UGT3A1: variants seen among roughly 807,000 people sequenced by gnomAD.
UGT3A1 encodes UDP glycosyltransferase family 3 member A1, also known as UDP-glycosyltransferase 3A1.
In UGT3A1, 40 loss-of-function variants were observed where a neutral mutation model predicts 37.6. The observed-to-expected ratio is 1.06, with a 90% CI of 0.83 to 1.38. The LOEUF is 1.38. UGT3A1 is among the 40% of genes most tolerant of loss of function. UGT3A1 has a pLI of 0.00. For missense variants in UGT3A1, 642 were observed against 634.2 expected, an observed-to-expected ratio of 1.01 and a Z score of -0.13; for synonymous variants, 256 against 232.3, an observed-to-expected ratio of 1.10 and a Z score of -0.93.
intron 3 of UGT3A1, among the ~76,000 whole-genome samples, chr5:35,966,610 G>A (rs1424111230): frequency 6.6e-6 from 1 of 152,150 alleles, no homozygotes; most frequent in Non-Finnish European, 1.5e-5. Flanking sequence ...CACTATTCCA[G>A]AAGCTACTGC....
chr5:35,969,455 T>A (rs563543914), intron 2 of UGT3A1, among the ~76,000 whole-genome samples: 2 of 152,060 alleles, frequency 1.3e-5, no homozygotes, highest in African/African-American at 2.4e-5. Flanking sequence ...CTTACAAAGA[T>A]GAGCATGTTA....
At chr5:35,998,118 C>T (rs1210821082) in intron 1 of UGT3A1, among the ~76,000 whole-genome samples, 1 of 152,202 alleles carries the variant, frequency 6.6e-6, no homozygotes, top group Non-Finnish European at 1.5e-5. Context: ...ATCATGTGGA[C>T]TCCAGAGGGA....
In UGT3A1 at chr5:35,951,863, T is replaced by C. The variant is rs1378653098; in HGVS notation, c.*2339A>G. The C allele has an allele frequency of 6.6e-6, 1 of 152,220 alleles. No individual in the cohort carries two copies. Among genetic ancestry groups the C allele is most frequent in the South Asian group, 2.1e-4 (1 of 4,836 alleles). 9.4% of individuals were successfully genotyped at this position (152,220 alleles called of 1,614,324 possible). ...TGGTGTATAGGAATTCAGTTTTTGA[T>C]ATAGTGTGAAGTCTGGATCAAATAT... On this transcript the variant is annotated 3_prime_UTR_variant, in exon 7 of 7. Transcript: ENST00000274278.
At chr5:35,981,598 C>T (rs1280608826) in intron 2 of UGT3A1, among the ~76,000 whole-genome samples, 1 of 152,184 alleles carries the variant, frequency 6.6e-6, no homozygotes, top group Non-Finnish European at 1.5e-5. Flanking sequence ...CATGGTCTGG[C>T]TGCTTCTAAA....
intron 4 of UGT3A1, among the ~76,000 whole-genome samples, chr5:35,964,277 C>G (rs936554044): frequency 6.6e-6 from 1 of 152,112 alleles, no homozygotes; most frequent in African/African-American, 2.4e-5. Flanking sequence ...TAGCTAAGAC[C>G]TCAATTAAAT....
At chr5:35,957,548 T>C in intron 4 of UGT3A1, 129 bp from the exon 5 acceptor site, 1 of 728,970 alleles carries the variant, frequency 1.4e-6, no homozygotes, top group Non-Finnish European at 2.3e-6. Flanking sequence ...CCCGAAGCTA[T>C]TATTATGGCT....
chr5:35,954,781 G>GA, intron 6 of UGT3A1: 1 of 375,866 alleles, frequency 2.7e-6, no homozygotes, highest in Non-Finnish European at 4.9e-6. Flanking sequence ...TATACTAAAG[G>GA]AAAAAATATA....
chr5:35,998,787 G>A (rs546797654), intron 1 of UGT3A1, among the ~76,000 whole-genome samples: 1 of 152,284 alleles, frequency 6.6e-6, no homozygotes, highest in South Asian at 2.1e-4. Context: ...AGCTCAAGTG[G>A]AGTTGCCAAA....
intron 2 of UGT3A1, among the ~76,000 whole-genome samples, chr5:35,980,018 C>A (rs529229649): frequency 6.6e-6 from 1 of 152,294 alleles, no homozygotes; most frequent in South Asian, 2.1e-4. Context: ...TACTTCCCAC[C>A]AGGTTTCTTC....
chr5:35,980,240 A>G (rs1321402438), intron 2 of UGT3A1, among the ~76,000 whole-genome samples: 1 of 152,264 alleles, frequency 6.6e-6, no homozygotes, highest in African/African-American at 2.4e-5. Context: ...TTCCTACTTT[A>G]AACAACTAAA....
intron 4 of UGT3A1, chr5:35,962,921 TG>T: frequency 1.4e-6 from 1 of 702,830 alleles, no homozygotes; most frequent in Non-Finnish European, 2.6e-6. Flanking sequence ...GAGAATAAGC[TG>T]GGGGTGGTGA....
rs114844865 is a variant in UGT3A1 at position 35,989,020 on chromosome 5, T to C, written c.95-469A>G. Reference sequence around the variant, plus strand: ...GTCAGAGCTATCTTTCATCCTATTTTGGAAAAGTATGCTACTGTAGGAGAC... The same window carrying C: ...GTCAGAGCTATCTTTCATCCTATTTCGGAAAAGTATGCTACTGTAGGAGAC... On this transcript the variant is annotated intron_variant, in intron 1 of 6. Transcript: ENST00000274278. 3.3e-3 allele frequency among the ~76,000 whole-genome samples: 496 copies of C among 152,332 alleles called. 2 individuals carry two copies. Among genetic ancestry groups the C allele is most frequent in the African/African-American group, 0.011 (459 of 41,572 alleles).
rs191491234 is a variant in UGT3A1, at chr5:35,972,925, G to A, written c.197-4792C>T. On this transcript the variant is annotated intron_variant, in intron 2 of 6. Coordinates refer to ENST00000274278, the MANE Select transcript of UGT3A1 (RefSeq NM_152404.4). ...ATCTCCTATAGCTACTGGGTTGAAT[G>A]TTTGTGAAAATCAAACCCAGTCTCC... Among the ~76,000 whole-genome samples the A allele has an allele frequency of 5.4e-3, 817 of 151,478 alleles. 11 individuals are homozygous for A. The highest frequency in any genetic ancestry group is 0.019 in the African/African-American group (777 of 41,380).
At chr5:35,970,676 A>C (rs2149968132) in intron 2 of UGT3A1, among the ~76,000 whole-genome samples, 1 of 152,326 alleles carries the variant, frequency 6.6e-6, no homozygotes, top group South Asian at 2.1e-4. Context: ...GAATTGGCTT[A>C]ACAAAAAGGG....
chr5:35,967,952 G>A, intron 3 of UGT3A1, 67 bp downstream of exon 3: 1 of 1,207,124 alleles, frequency 8.3e-7, no homozygotes, highest in East Asian at 2.4e-5. Context: ...CAAATATCAT[G>A]CATCTCTCTA....
chr5:35,971,044 C>T (rs1209553221), intron 2 of UGT3A1, among the ~76,000 whole-genome samples: 1 of 152,162 alleles, frequency 6.6e-6, no homozygotes, highest in Non-Finnish European at 1.5e-5. Context: ...CAGTCAGTTT[C>T]CCTTTATCTT....
chr5:35,970,174 A>T (rs919085540), intron 2 of UGT3A1, among the ~76,000 whole-genome samples: 3 of 152,216 alleles, frequency 2.0e-5, no homozygotes, highest in African/African-American at 7.2e-5. Context: ...GCAGATCATG[A>T]GGTCAGGAGA....
chr5:35,982,467 T>A (rs1740565037), intron 2 of UGT3A1, among the ~76,000 whole-genome samples: 1 of 152,234 alleles, frequency 6.6e-6, no homozygotes, highest in African/African-American at 2.4e-5. Context: ...TTTAATGGCT[T>A]CCCTGCTGGG....
chr5:35,994,674 G>A (rs144938303), upstream of UGT3A1, among the ~76,000 whole-genome samples: 18 of 152,146 alleles, frequency 1.2e-4, no homozygotes, highest in South Asian at 1.7e-3. Context: ...CCAGGTAGCC[G>A]CAACATGTGT....
Sources: allele counts gnomAD v4.1 joint callset (sites outside exome capture counted in the v4.1 genomes callset), GRCh38; gene constraint gnomAD v4.1.1; transcripts MANE v1.5; gene names NCBI Gene and HGNC (gene_info 2026-07-23, HGNC 2026-07-21).